Variants in UNC5C observed in about 807,000 individuals in gnomAD.
The protein encoded by UNC5C is netrin receptor UNC5C.
UNC5C carries 47 observed loss-of-function variants against 99.8 expected under a neutral mutation model. The observed-to-expected ratio is 0.47, with a 90% CI of 0.37 to 0.60. The LOEUF is 0.60. UNC5C is among the 20% of genes least tolerant of loss of function. UNC5C has a pLI of 0.00. For missense variants in UNC5C, 1,062 were observed against 1,165.9 expected, an observed-to-expected ratio of 0.91 and a Z score of 1.30; for synonymous variants, 487 against 452.2, an observed-to-expected ratio of 1.08 and a Z score of -0.98.
At chr4:95,452,085 A>G (rs898385152) in intron 1 of UNC5C, among the ~76,000 whole-genome samples, 5 of 152,162 alleles carry the variant, frequency 3.3e-5, no homozygotes, top group Admixed American at 2.6e-4. Flanking sequence ...GGTAATGTAT[A>G]TGGTACATTA....
chr4:95,418,749 A>G (rs953135417), intron 1 of UNC5C, among the ~76,000 whole-genome samples: 1 of 152,204 alleles, frequency 6.6e-6, no homozygotes, highest in African/African-American at 2.4e-5. Flanking sequence ...TTCAGTGGTA[A>G]TAAAAAAATA....
intron 14 of UNC5C, among the ~76,000 whole-genome samples, chr4:95,176,329 GA>G (rs1271116952): frequency 6.6e-6 from 1 of 152,076 alleles, no homozygotes. Flanking sequence ...CTGCTTTTTA[GA>G]GTTTCCAGTT....
intron 12 of UNC5C, among the ~76,000 whole-genome samples, chr4:95,188,639 G>C (rs562900653): frequency 6.6e-6 from 1 of 152,084 alleles, no homozygotes; most frequent in Non-Finnish European, 1.5e-5. Context: ...TGAATTCTTC[G>C]CACATGATCT....
At chr4:95,509,227 AT>A (rs201400209) in intron 1 of UNC5C, among the ~76,000 whole-genome samples, 1 of 151,774 alleles carries the variant, frequency 6.6e-6, no homozygotes, top group African/African-American at 2.4e-5. Context: ...GTAACCATAC[AT>A]TTTTTTGCAG....
intron 1 of UNC5C, among the ~76,000 whole-genome samples, chr4:95,399,759 TTC>T (rs1175281231): frequency 6.6e-6 from 1 of 152,212 alleles, no homozygotes; most frequent in Non-Finnish European, 1.5e-5. Flanking sequence ...CTTTTTCTTA[TTC>T]TCTTTTATAG....
At chr4:95,379,895 A>C (rs950346936) in intron 1 of UNC5C, among the ~76,000 whole-genome samples, 2 of 152,170 alleles carry the variant, frequency 1.3e-5, no homozygotes, top group Non-Finnish European at 2.9e-5. Flanking sequence ...CTCTTAGAGA[A>C]GGGTTGTTAG....
chr4:95,264,912 A>T (rs1237730872), intron 4 of UNC5C, among the ~76,000 whole-genome samples: 1 of 152,104 alleles, frequency 6.6e-6, no homozygotes, highest in Non-Finnish European at 1.5e-5. Context: ...CTTTTATAAC[A>T]TCCAGCATTT....
rs190708804 is a variant in UNC5C, at chr4:95,399,870, T to C, written c.125-64239A>G. Among the ~76,000 whole-genome samples the C allele has an allele frequency of 5.2e-3, 797 of 152,286 alleles. 7 individuals carry two copies. The highest frequency in any genetic ancestry group is 0.018 in the African/African-American group (733 of 41,546). ...CTAATTATGTATGGGAGTAGGATTT[T>C]TGTTTGTTTGTCTTTCATGTTAGTC... On this transcript the variant is annotated intron_variant, in intron 1 of 15. Transcript: ENST00000453304.
chr4:95,330,816 T>C (rs956384094), intron 2 of UNC5C, among the ~76,000 whole-genome samples: 3 of 152,074 alleles, frequency 2.0e-5, no homozygotes, highest in Non-Finnish European at 4.4e-5. Context: ...CCTAACTTCA[T>C]TCTTTTTATT....
chr4:95,407,630 A>G (rs1745867267), intron 1 of UNC5C, among the ~76,000 whole-genome samples: 1 of 152,034 alleles, frequency 6.6e-6, no homozygotes. Flanking sequence ...AAGGATGAGG[A>G]GAGAGAGAGA....
At chr4:95,400,305 G>C (rs1037006296) in intron 1 of UNC5C, among the ~76,000 whole-genome samples, 5 of 151,558 alleles carry the variant, frequency 3.3e-5, no homozygotes, top group African/African-American at 1.2e-4. Context: ...CAAGGAGCCT[G>C]TGGGAGCTCA....
At chr4:95,187,988 CA>C (rs1348791242) in intron 12 of UNC5C, among the ~76,000 whole-genome samples, 1 of 152,170 alleles carries the variant, frequency 6.6e-6, no homozygotes, top group African/African-American at 2.4e-5. Context: ...ATTGAGCATG[CA>C]TATTTATAAA....
Position 95,234,049 on chromosome 4 carries a change from T to C in UNC5C, c.1108+8380A>G, listed in dbSNP as rs376525694. On this transcript the variant is annotated intron_variant, in intron 7 of 15. Coordinates refer to ENST00000453304, the MANE Select transcript of UNC5C (RefSeq NM_003728.4). ...TATAATATGCTTATTGTCTTAGCAT[T>C]TTTTGAGATTTCTTAAGTGTTTTCT... is the stretch of plus-strand genomic sequence containing the variant. Among the ~76,000 whole-genome samples the C allele has an allele frequency of 7.9e-5, 12 of 152,332 alleles. No individual in the cohort carries two copies. The South Asian group carries it at 2.5e-3, about 32-fold the overall frequency.
intron 3 of UNC5C, among the ~76,000 whole-genome samples, chr4:95,296,477 A>C (rs1167020748): frequency 6.6e-6 from 1 of 152,344 alleles, no homozygotes; most frequent in South Asian, 2.1e-4. Context: ...TATGTACTTA[A>C]TGTTTGTGTG....
chr4:95,253,998 T>C (rs1282312939), intron 4 of UNC5C, among the ~76,000 whole-genome samples: 5 of 152,322 alleles, frequency 3.3e-5, no homozygotes, highest in African/African-American at 4.8e-5. Context: ...TGCCATTGTT[T>C]CTTCTGAAGT....
chr4:95,230,495 T>G (rs1454403066), intron 7 of UNC5C, among the ~76,000 whole-genome samples: 20 of 150,072 alleles, frequency 1.3e-4, no homozygotes, highest in South Asian at 4.2e-4. Flanking sequence ...GCTTTTGATG[T>G]TTTAGTCATG....
intron 2 of UNC5C, among the ~76,000 whole-genome samples, chr4:95,320,475 T>C (rs1289491742): frequency 6.6e-6 from 1 of 151,732 alleles, no homozygotes; most frequent in African/African-American, 2.4e-5. Flanking sequence ...AGACTCTTCT[T>C]AAACCCTTCA....
intron 14 of UNC5C, among the ~76,000 whole-genome samples, chr4:95,181,501 C>T (rs1736609811): frequency 6.6e-6 from 1 of 152,074 alleles, no homozygotes; most frequent in South Asian, 2.1e-4. Context: ...ATTCCGCAGC[C>T]TTTGTTGTCA....
intron 1 of UNC5C, among the ~76,000 whole-genome samples, chr4:95,399,816 C>T (rs1369812714): frequency 1.3e-5 from 2 of 152,284 alleles, no homozygotes; most frequent in South Asian, 2.1e-4. Context: ...TAGAACCCTG[C>T]TCCTTTCCTC....
Sources: allele counts gnomAD v4.1 joint callset (sites outside exome capture counted in the v4.1 genomes callset), GRCh38; gene constraint gnomAD v4.1.1; transcripts MANE v1.5; gene names NCBI Gene and HGNC (gene_info 2026-07-23, HGNC 2026-07-21).